Variants in ACVR2B observed in about 807,000 individuals in gnomAD.
The protein encoded by ACVR2B is activin A receptor type 2B.
A neutral mutation model predicts 65.1 loss-of-function variants in ACVR2B; 18 were observed. The observed-to-expected ratio is 0.28, with a 90% confidence interval of 0.19 to 0.41. The LOEUF is 0.41. ACVR2B is among the 10% of genes least tolerant of loss of function. ACVR2B has a pLI of 1.00. For synonymous variants in ACVR2B, 298 were observed against 277.7 expected (o/e 1.07, Z -0.73); for missense variants, 482 against 682.7 (o/e 0.71, Z 3.28).
intron 1 of ACVR2B, among the ~76,000 whole-genome samples, chr3:38,456,519 C>T (rs1709553113): frequency 6.6e-6 from 1 of 152,334 alleles, no homozygotes; most frequent in African/African-American, 2.4e-5. Context: ...TGTGTCTTAG[C>T]TGGGGCTGCC....
intron 1 of ACVR2B, among the ~76,000 whole-genome samples, chr3:38,462,354 A>C (rs1173668336): frequency 3.3e-5 from 5 of 152,192 alleles, no homozygotes; most frequent in Non-Finnish European, 7.3e-5. Flanking sequence ...TCACAAATTG[A>C]ATACACTGGT....
rs1710016296 is a variant in ACVR2B at position 38,481,433 on chromosome 3, C to T, written c.1042C>T (p.Pro348Ser). 1 of 1,614,152 alleles carries T rather than the reference C, an allele frequency of 6.2e-7. No individual in the cohort carries two copies. The highest frequency in any genetic ancestry group is 8.5e-7 in the Non-Finnish European group (1 of 1,180,006). Reference protein sequence around the residue: ...ADFGLAVRFEPGKPPGDTHGQ... With the variant: ...ADFGLAVRFESGKPPGDTHGQ... ...CTTTGGCTTGGCTGTTCGATTTGAG[C>T]CAGGGAAACCTCCAGGGGACACCCA... The change falls in exon 8 of 11, where the codon CCA (proline) becomes TCA (serine). Residue 348 changes from proline (P) to serine (S), a missense_variant. Pro to Ser is a moderately conservative substitution (Grantham distance 74). This residue lies in a region of ACVR2B where 223 missense variants were observed against 386.3 expected (regional missense o/e 0.58). Coordinates refer to ENST00000352511, the MANE Select transcript of ACVR2B (RefSeq NM_001106.4). The surrounding 1 kb of genome is among the most constrained non-coding windows in gnomAD (Gnocchi z 4.7).
intron 3 of ACVR2B, 59 bp downstream of exon 3, chr3:38,478,029 G>A (rs1709943016): frequency 6.2e-6 from 10 of 1,603,002 alleles, no homozygotes; most frequent in Non-Finnish European, 8.5e-6. Flanking sequence ...TCTTTGGCTT[G>A]GAGCGCTTGG....
At position 38,492,808 on chromosome 3, in the gene ACVR2B, A is replaced by C. The variant is rs773388280; in HGVS notation, c.*9476A>C. 9.6e-5 allele frequency: 13 copies of C among 135,226 alleles called. No homozygotes were observed. Among genetic ancestry groups the C allele is most frequent in the East Asian group, 4.5e-4 (2 of 4,454 alleles). 8.4% of individuals were successfully genotyped at this position (135,226 alleles called of 1,614,324 possible). ...CACACACACACACACACACACATAC[A>C]CCTAAAATGGCCTAAAGCAGACATC... is the stretch of plus-strand genomic sequence containing the variant. On this transcript the variant is annotated 3_prime_UTR_variant, in exon 11 of 11. Transcript: ENST00000352511.
chr3:38,478,449 G>A lies in ACVR2B; in HGVS notation c.597G>A (p.Gly199=). 1.9e-6 allele frequency: 3 copies of A among 1,614,194 alleles called. No homozygotes were observed. The highest frequency in any genetic ancestry group is 2.5e-6 in the Non-Finnish European group (3 of 1,180,042). Reference sequence around the variant, plus strand: ...AGCTGCTGGAGATCAAGGCTCGGGGGCGCTTTGGCTGTGTCTGGAAGGCCC... The same window carrying A: ...AGCTGCTGGAGATCAAGGCTCGGGGACGCTTTGGCTGTGTCTGGAAGGCCC... ...PLQLLEIKAR[G]RFGCVWKAQL... Residue 199 remains glycine, a synonymous_variant, in exon 5 of 11, where the codon GGG becomes GGA. Coordinates refer to ENST00000352511, the MANE Select transcript of ACVR2B (RefSeq NM_001106.4).
chr3:38,477,787 G>A lies in ACVR2B; in HGVS notation c.261-74G>A. 1 of 1,437,830 alleles carries A rather than the reference G, an allele frequency of 7.0e-7. No individual in the cohort carries two copies. The highest frequency in any genetic ancestry group is 1.1e-5 in the South Asian group (1 of 87,520). The allele number at this position is 1,437,830 out of a possible 1,614,324, so 89.1% of individuals were successfully genotyped here. A position where few individuals can be genotyped will look rare whatever the true frequency, so the allele number is the denominator to read the frequency against. ...CATGAGGTGCTCTGTCTGTGAGGAG[G>A]GGTTGGCAGGGCAGGCCTGGGGGAG... is the stretch of plus-strand genomic sequence containing the variant. On this transcript the variant is annotated intron_variant, in intron 2 of 10. Coordinates refer to ENST00000352511, the MANE Select transcript of ACVR2B (RefSeq NM_001106.4). The surrounding 1 kb of genome is among the most constrained non-coding windows in gnomAD (Gnocchi z 6.7).
chr3:38,488,713 T>C lies in ACVR2B; in HGVS notation c.*5381T>C, dbSNP rs1351078432. On this transcript the variant is annotated 3_prime_UTR_variant, in exon 11 of 11. Coordinates refer to ENST00000352511, the MANE Select transcript of ACVR2B (RefSeq NM_001106.4). ...GTATCCCCTGTAGTGCCAAAACCAG[T>C]GATACTTTATTTGCTCCTATGGCAG... 6.6e-6 allele frequency: 1 copy of C among 152,218 alleles called. No homozygotes were observed. The highest frequency in any genetic ancestry group is 1.5e-5 in the Non-Finnish European group (1 of 68,042). 9.4% of individuals were successfully genotyped at this position (152,218 alleles called of 1,614,324 possible). A position where few individuals can be genotyped will look rare whatever the true frequency, so the allele number is the denominator to read the frequency against.
chr3:38,466,584 A>G (rs949450607), intron 1 of ACVR2B, among the ~76,000 whole-genome samples: 2 of 151,244 alleles, frequency 1.3e-5, no homozygotes, highest in South Asian at 2.1e-4. Context: ...GCTCACTGCA[A>G]CCTCCGCCTC....
intron 1 of ACVR2B, among the ~76,000 whole-genome samples, chr3:38,455,414 G>T (rs1008918929): frequency 6.6e-6 from 1 of 152,136 alleles, no homozygotes; most frequent in Non-Finnish European, 1.5e-5. Flanking sequence ...CATGCAGCGC[G>T]GGTCCCCCGC....
In ACVR2B at chr3:38,454,341, GC is replaced by G; in HGVS notation, c.22del (p.Leu8SerfsTer66). MTAPWV[A>X]LALLWGSLCA... The stretch of plus-strand genomic sequence containing the variant: ...GCGGAACATGACGGCGCCCTGGGTG[GC>G]CCTCGCCCTCCTCTGGGGATCGCTG... On this transcript the variant is annotated frameshift_variant, in exon 1 of 11. Transcript: ENST00000352511. LOFTEE classifies it high-confidence loss of function. 1 of 1,297,080 alleles carries G rather than the reference GC, an allele frequency of 7.7e-7. No homozygotes were observed. Among genetic ancestry groups the G allele is most frequent in the South Asian group, 2.5e-5 (1 of 40,344 alleles). The allele number at this position is 1,297,080 out of a possible 1,614,324, so 80.3% of individuals were successfully genotyped here. A position where few individuals can be genotyped will look rare whatever the true frequency, so the allele number is the denominator to read the frequency against.
rs148458221 is a variant in ACVR2B, at chr3:38,455,143, A to G, written c.52+769A>G. ...GTGGCTGGAGGTGTTCGGCCAGCGC[A>G]TGTGTGTTTGGGGGTATGTGGGCGC... On this transcript the variant is annotated intron_variant, in intron 1 of 10. Coordinates refer to ENST00000352511, the MANE Select transcript of ACVR2B (RefSeq NM_001106.4). Among the ~76,000 whole-genome samples, 623 of 152,082 alleles carry G rather than the reference A, an allele frequency of 4.1e-3. 1 individual carries two copies. The highest frequency in any genetic ancestry group is 0.01 in the South Asian group (49 of 4,828).
In ACVR2B at chr3:38,454,272, G is replaced by C. The variant is rs541779160; in HGVS notation, c.-51G>C. 4.3e-5 allele frequency: 52 copies of C among 1,214,734 alleles called. 2 individuals carry two copies. The African/African-American group carries it at 4.8e-4, about 11-fold the overall frequency. 75.2% of individuals were successfully genotyped at this position (1,214,734 alleles called of 1,614,324 possible). A position where few individuals can be genotyped will look rare whatever the true frequency, so the allele number is the denominator to read the frequency against. ...TGGCCCTGCGCGCCCCGGGAGCGCC[G>C]TGCGGCCCTGCCCGCGGGCTCCGGG... On this transcript the variant is annotated 5_prime_UTR_variant, in exon 1 of 11. Transcript: ENST00000352511.
In ACVR2B at chr3:38,481,668, A is replaced by G. The variant is rs1710019987; in HGVS notation, c.1074+203A>G. 6.6e-6 allele frequency among the ~76,000 whole-genome samples: 1 copy of G among 152,266 alleles called. No individual in the cohort carries two copies. Among genetic ancestry groups the G allele is most frequent in the Admixed American group, 6.5e-5 (1 of 15,290 alleles). On this transcript the variant is annotated intron_variant, in intron 8 of 10. Transcript: ENST00000352511. The surrounding 1 kb of genome is among the most constrained non-coding windows in gnomAD (Gnocchi z 4.7). Reference sequence around the variant, plus strand: ...GTAGTTTAGCTTCCGTAGGACAGTCAGCTGGGAAATGTAGAGATTCCCCAC... The same window carrying G: ...GTAGTTTAGCTTCCGTAGGACAGTCGGCTGGGAAATGTAGAGATTCCCCAC...
chr3:38,462,956 C>T (rs1709673090), intron 1 of ACVR2B, among the ~76,000 whole-genome samples: 1 of 152,156 alleles, frequency 6.6e-6, no homozygotes. Context: ...TGTGAACATC[C>T]TTCCTACCTC....
chr3:38,458,980 C>T (rs2268754), intron 1 of ACVR2B, among the ~76,000 whole-genome samples: 1 of 152,142 alleles, frequency 6.6e-6, no homozygotes, highest in South Asian at 2.1e-4. Flanking sequence ...CCAGTAGATC[C>T]TCTTTAATCA....
At chr3:38,478,719 G>T (rs1259151375) in intron 5 of ACVR2B, among the ~76,000 whole-genome samples, 1 of 152,120 alleles carries the variant, frequency 6.6e-6, no homozygotes, top group Non-Finnish European at 1.5e-5. Context: ...ATAGGACTAG[G>T]GTAGGGCTTT....
chr3:38,479,327 G>C (rs1242253978), intron 6 of ACVR2B, 56 bp downstream of exon 6: 4 of 1,612,352 alleles, frequency 2.5e-6, no homozygotes, highest in Non-Finnish European at 3.4e-6. Context: ...CCCCTTGGTG[G>C]CTCTCCATAA....
At chr3:38,465,934 A>C (rs1709719761) in intron 1 of ACVR2B, among the ~76,000 whole-genome samples, 1 of 152,218 alleles carries the variant, frequency 6.6e-6, no homozygotes, top group Non-Finnish European at 1.5e-5. Context: ...ATTACTATCA[A>C]AAGAGCTGTA....
At chr3:38,464,031 T>G (rs1709691107) in intron 1 of ACVR2B, among the ~76,000 whole-genome samples, 2 of 152,208 alleles carry the variant, frequency 1.3e-5, no homozygotes, top group Non-Finnish European at 2.9e-5. Flanking sequence ...CTTAATTACC[T>G]CCTTAAAGTC....
Sources: allele counts gnomAD v4.1 joint callset (sites outside exome capture counted in the v4.1 genomes callset), GRCh38; gene constraint gnomAD v4.1.1; regional missense constraint gnomAD v4.1.1; non-coding constraint Gnocchi (gnomAD v3.1); transcripts MANE v1.5; gene names NCBI Gene and HGNC (gene_info 2026-07-23, HGNC 2026-07-21).